POLR1H: variants seen among roughly 807,000 people sequenced by gnomAD.
The protein encoded by POLR1H is RNA polymerase I subunit H.
POLR1H carries 5 observed loss-of-function variants against 15.8 expected under a neutral mutation model. The observed-to-expected ratio is 0.32, with a 90% CI of 0.17 to 0.67. POLR1H has a LOEUF of 0.67. Among genes scored for constraint, POLR1H ranks in the 30% least tolerant of loss-of-function variants. The probability of loss-of-function intolerance (pLI) is 0.74; values close to 1 mark genes in which losing one functional copy is unlikely to be tolerated. For synonymous variants in POLR1H, 43 were observed against 58.3 expected (o/e 0.74, Z 1.20); for missense variants, 100 against 163.4 (o/e 0.61, Z 2.11).
At position 30,061,520 on chromosome 6, in the gene POLR1H, A is replaced by G. The variant is rs1207581382; in HGVS notation, c.-5A>G. ...ACTTCCAACTCCCTCCTCAGACCCG[A>G]CCGCATGTCTGTCATGGACCTCGCC... On this transcript the variant is annotated 5_prime_UTR_variant, in exon 1 of 4. Transcript: ENST00000332435. This position sits in a 1 kb window ranked among gnomAD's most constrained non-coding sequence, Gnocchi z 5.0. The G allele has an allele frequency of 6.2e-7, 1 of 1,612,810 alleles. No homozygotes were observed. Among genetic ancestry groups the G allele is most frequent in the East Asian group, 2.2e-5 (1 of 44,890 alleles).
At chr6:30,060,784 T>A (rs930766337), upstream of POLR1H, 1 of 152,222 alleles carries the variant, frequency 6.6e-6, no homozygotes, top group African/African-American at 2.4e-5. Flanking sequence ...ACGAGGCCGG[T>A]TGCGAGCTGC....
rs749507630 is a variant in POLR1H at position 30,062,714 on chromosome 6, C to CCTTTTTTTTTTTTTTTTTTTTTTTTTT, written c.356+381_356+382insCTTTTTTTTTTTTTTTTTTTTTTTTTT. Among the ~76,000 whole-genome samples the CCTTTTTTTTTTTTTTTTTTTTTTTTTT allele has an allele frequency of 1.2e-4, 5 of 42,378 alleles. 1 individual carries two copies. Among genetic ancestry groups the CCTTTTTTTTTTTTTTTTTTTTTTTTTT allele is most frequent in the African/African-American group, 4.1e-4 (4 of 9,830 alleles). The allele number at this position is 42,378 out of a possible 152,430, so 27.8% of individuals were successfully genotyped here. ...CACAGACACATGCCACCACGCCTGG[C>CCTTTTTTTTTTTTTTTTTTTTTTTTTT]TTTTTTTTTTTTTTTTTTTTTTTTT... On this transcript the variant is annotated intron_variant, in intron 3 of 3. Transcript: ENST00000332435.
At chr6:30,062,460 T>C (rs1165748912) in intron 3 of POLR1H, 127 bp downstream of exon 3, 1 of 601,428 alleles carries the variant, frequency 1.7e-6, no homozygotes, top group African/African-American at 1.8e-5. Flanking sequence ...GTTCTGGTAA[T>C]AGGGAGATTT....
intron 3 of POLR1H, 56 bp downstream of exon 3, chr6:30,062,389 G>C: frequency 7.9e-7 from 1 of 1,259,428 alleles, no homozygotes; most frequent in Non-Finnish European, 1.2e-6. Flanking sequence ...AACAAATCCA[G>C]TGATTTATTT....
rs568259575 is a variant in POLR1H at position 30,061,389 on chromosome 6, G to A, written c.-136G>A. 3.1e-4 allele frequency: 302 copies of A among 980,046 alleles called. 22 individuals carry two copies. Among genetic ancestry groups the A allele is most frequent in the East Asian group, 1.7e-3 (68 of 39,330 alleles). 60.7% of individuals were successfully genotyped at this position (980,046 alleles called of 1,614,324 possible). A position where few individuals can be genotyped will look rare whatever the true frequency, so the allele number is the denominator to read the frequency against. On this transcript the variant is annotated 5_prime_UTR_variant, in exon 1 of 4. Coordinates refer to ENST00000332435, the MANE Select transcript of POLR1H (RefSeq NM_170783.4). The surrounding 1 kb of genome is among the most constrained non-coding windows in gnomAD (Gnocchi z 5.0). ...GGCGTTTCGGCTCCTTGGTCGCAGA[G>A]GCAGGAGGCGTGCGTGGCAGGAGGG...
chr6:30,063,494 T>C lies in POLR1H; in HGVS notation c.356+1161T>C, dbSNP rs975755040. Among the ~76,000 whole-genome samples the C allele has an allele frequency of 6.6e-5, 10 of 151,452 alleles. No individual in the cohort carries two copies. Among genetic ancestry groups the C allele is most frequent in the Non-Finnish European group, 1.5e-4 (10 of 67,842 alleles). On this transcript the variant is annotated intron_variant, in intron 3 of 3. Coordinates refer to ENST00000332435, the MANE Select transcript of POLR1H (RefSeq NM_170783.4). The surrounding 1 kb of genome is among the most constrained non-coding windows in gnomAD (Gnocchi z 4.1). ...AATAATTATCAGTTCTTTAATCATA[T>C]TTTAAATTGTTCCTTTTATTATTCT...
rs1448978015 is a variant in POLR1H, at chr6:30,063,830, A to G, written c.357-843A>G. Among the ~76,000 whole-genome samples the G allele has an allele frequency of 1.3e-5, 2 of 152,210 alleles. No homozygotes were observed. Among genetic ancestry groups the G allele is most frequent in the East Asian group, 3.8e-4 (2 of 5,198 alleles). Reference sequence around the variant, plus strand: ...CTTGGCTTCATGTTTTTTGGAGCAGACAGATAGTATGAATTTGAGCTGCAA... The same window carrying G: ...CTTGGCTTCATGTTTTTTGGAGCAGGCAGATAGTATGAATTTGAGCTGCAA... On this transcript the variant is annotated intron_variant, in intron 3 of 3. Transcript: ENST00000332435. The surrounding 1 kb of genome is among the most constrained non-coding windows in gnomAD (Gnocchi z 4.1).
upstream of POLR1H, chr6:30,060,939 G>A (rs1433271397): frequency 6.6e-6 from 1 of 152,336 alleles, no homozygotes; most frequent in Non-Finnish European, 1.5e-5. Context: ...CTAATCCAAA[G>A]AAATCATTAT....
At position 30,063,208 on chromosome 6, in the gene POLR1H, T is replaced by C. The variant is rs1250971747; in HGVS notation, c.356+875T>C. ...CCATCATCTCTTTTAATATTCTCTT[T>C]CCCCCATGTTCTCAGTCCTCACATT... On this transcript the variant is annotated intron_variant, in intron 3 of 3. Transcript: ENST00000332435. This position sits in a 1 kb window ranked among gnomAD's most constrained non-coding sequence, Gnocchi z 4.1. Among the ~76,000 whole-genome samples, 7 of 152,110 alleles carry C rather than the reference T, an allele frequency of 4.6e-5. No homozygotes were observed. The highest frequency in any genetic ancestry group is 1.0e-4 in the Non-Finnish European group (7 of 68,002).
At chr6:30,061,249 GCCCC>G, upstream of POLR1H, 1 of 384,008 alleles carries the variant, frequency 2.6e-6, no homozygotes, top group South Asian at 6.7e-5. The surrounding 1 kb of genome is among the most constrained non-coding windows in gnomAD (Gnocchi z 5.0). Context: ...CTATCTCGCT[GCCCC>G]GCCGCGGGCG....
At position 30,061,564 on chromosome 6, in the gene POLR1H, C is replaced by A; in HGVS notation, c.40C>A (p.Gln14Lys). 2 of 1,613,140 alleles carry A rather than the reference C, an allele frequency of 1.2e-6. No homozygotes were observed. The highest frequency in any genetic ancestry group is 1.7e-6 in the Non-Finnish European group (2 of 1,180,052). The change falls in exon 1 of 4, where the codon CAG (glutamine) becomes AAG (lysine). Residue 14 changes from glutamine to lysine, a missense_variant. Transcript: ENST00000332435. This position sits in a 1 kb window ranked among gnomAD's most constrained non-coding sequence, Gnocchi z 5.0. ...MDLANTCSSFQSDLDFCSDCG... is the reference protein window; with the variant it reads ...MDLANTCSSFKSDLDFCSDCG... The stretch of plus-strand genomic sequence containing the variant: ...CCTCGCCAATACTTGCTCCAGCTTT[C>A]AGTCGGACCTGGATTTCTGTTCAGA...
chr6:30,062,212 G>T lies in POLR1H; in HGVS notation c.247-12G>T, dbSNP rs1426519838. Reference sequence around the variant, plus strand: ...ATGACCAGGCCTCCCTAACCCACCAGTTTCTTCCCAGGTTGACAGGCGCTG... The same window carrying T: ...ATGACCAGGCCTCCCTAACCCACCATTTTCTTCCCAGGTTGACAGGCGCTG... On this transcript the variant is annotated splice_polypyrimidine_tract_variant and intron_variant, in intron 2 of 3. Coordinates refer to ENST00000332435, the MANE Select transcript of POLR1H (RefSeq NM_170783.4). 6.2e-7 allele frequency: 1 copy of T among 1,609,436 alleles called. No individual in the cohort carries two copies. The highest frequency in any genetic ancestry group is 1.3e-5 in the African/African-American group (1 of 74,854).
chr6:30,064,681 AGAAG>A lies in POLR1H; in HGVS notation c.370_373del (p.Glu124ThrfsTer64). 1 of 1,609,030 alleles carries A rather than the reference AGAAG, an allele frequency of 6.2e-7. No individual in the cohort carries two copies. The highest frequency in any genetic ancestry group is 8.5e-7 in the Non-Finnish European group (1 of 1,178,606). On this transcript the variant is annotated frameshift_variant, in exon 4 of 4. Transcript: ENST00000332435. LOFTEE classifies it high-confidence loss of function. ...CCTTTCTTTCCTCATAGGTTCCAGG[AGAAG>A]GAAGACTCTTGACCTTTTTCCTGGG...
At chr6:30,064,060 C>T (rs1474589869) in intron 3 of POLR1H, among the ~76,000 whole-genome samples, 1 of 152,106 alleles carries the variant, frequency 6.6e-6, no homozygotes, top group African/African-American at 2.4e-5. Context: ...TCCCTCATTT[C>T]CTATGCTTCC....
At position 30,063,018 on chromosome 6, in the gene POLR1H, G is replaced by A. The variant is rs1435241927; in HGVS notation, c.356+685G>A. 6.6e-6 allele frequency among the ~76,000 whole-genome samples: 1 copy of A among 152,006 alleles called. No individual in the cohort carries two copies. Among genetic ancestry groups the A allele is most frequent in the Non-Finnish European group, 1.5e-5 (1 of 68,008 alleles). ...GAGAATTAGTCACACATGACTTAGA[G>A]AACATGGGCTTTCTGAATGCTTTTA... On this transcript the variant is annotated intron_variant, in intron 3 of 3. Coordinates refer to ENST00000332435, the MANE Select transcript of POLR1H (RefSeq NM_170783.4). The surrounding 1 kb of genome is among the most constrained non-coding windows in gnomAD (Gnocchi z 4.1).
chr6:30,060,433 C>T (rs1466128066), upstream of POLR1H: 1 of 150,486 alleles, frequency 6.6e-6, no homozygotes, highest in Non-Finnish European at 1.5e-5. Flanking sequence ...AGGGAAATGT[C>T]AGCTGTCCAC....
At chr6:30,064,202 T>G (rs1765328666) in intron 3 of POLR1H, among the ~76,000 whole-genome samples, 1 of 152,158 alleles carries the variant, frequency 6.6e-6, no homozygotes, top group Non-Finnish European at 1.5e-5. Flanking sequence ...TGCCTTTACT[T>G]TCTTGCCATC....
At position 30,062,318 on chromosome 6, in the gene POLR1H, C is replaced by T; in HGVS notation, c.341C>T (p.Thr114Ile). ...GATGAAGGGCAAACTGTCTTCTACA[C>T]CTGTACCAACTGCAAGTGAGTATTC... ...SADEGQTVFY[T>I]CTNCKFQEKE... The change falls in exon 3 of 4, where the codon ACC becomes ATC. Residue 114 changes from threonine (T) to isoleucine (I), a missense_variant. By Grantham distance (89) the Thr-to-Ile change is moderately conservative. Transcript: ENST00000332435. 1 of 1,611,084 alleles carries T rather than the reference C, an allele frequency of 6.2e-7. No individual in the cohort carries two copies. The highest frequency in any genetic ancestry group is 8.5e-7 in the Non-Finnish European group (1 of 1,178,244).
Position 30,062,161 on chromosome 6 carries a change from C to T in POLR1H, c.247-63C>T, listed in dbSNP as rs1375399643. ...ATCGACGTTTGAGAGGCGTGATCGC[C>T]TGATTCCTGTGGGAAGTAAGGGGAT... On this transcript the variant is annotated intron_variant, in intron 2 of 3. Coordinates refer to ENST00000332435, the MANE Select transcript of POLR1H (RefSeq NM_170783.4). 8.0e-6 allele frequency: 12 copies of T among 1,495,748 alleles called. No homozygotes were observed. The East Asian group carries it at 2.5e-4, about 31-fold the overall frequency. The allele number at this position is 1,495,748 out of a possible 1,614,324, so 92.7% of individuals were successfully genotyped here. A position where few individuals can be genotyped will look rare whatever the true frequency, so the allele number is the denominator to read the frequency against.
Sources: allele counts gnomAD v4.1 joint callset (sites outside exome capture counted in the v4.1 genomes callset), GRCh38; gene constraint gnomAD v4.1.1; non-coding constraint Gnocchi (gnomAD v3.1); transcripts MANE v1.5; gene names NCBI Gene and HGNC (gene_info 2026-07-23, HGNC 2026-07-21).